CNTNAP5: variants seen among roughly 807,000 people sequenced by gnomAD.
The protein encoded by CNTNAP5 is contactin associated protein family member 5.
Under a neutral mutation model 150.2 loss-of-function variants are expected in CNTNAP5, and 72 were observed. The ratio of observed to expected loss-of-function variants is 0.48; its 90% CI spans 0.40 to 0.58. The LOEUF (loss-of-function observed/expected upper bound fraction) is 0.58. Ranked by LOEUF, CNTNAP5 falls within the 20% of genes least tolerant of loss-of-function variation. The probability of loss-of-function intolerance (pLI) is 0.00; values close to 1 mark genes in which losing one functional copy is unlikely to be tolerated. For missense variants in CNTNAP5, 1,636 were observed against 1,626.2 expected, an observed-to-expected ratio of 1.01 and a Z score of -0.10; for synonymous variants, 672 against 619.8, an observed-to-expected ratio of 1.08 and a Z score of -1.25.
At chr2:124,282,430 G>A (rs1030346071) in intron 3 of CNTNAP5, among the ~76,000 whole-genome samples, 2 of 152,134 alleles carry the variant, frequency 1.3e-5, no homozygotes, top group Non-Finnish European at 2.9e-5. Context: ...GGTTGTAACA[G>A]ATAATTTATG....
At position 124,218,255 on chromosome 2, in the gene CNTNAP5, G is replaced by A. The variant is rs115839896; in HGVS notation, c.83-3450G>A. On this transcript the variant is annotated intron_variant, in intron 1 of 23. Transcript: ENST00000682447. ...TATAGATAACTCCCACATGCTTAGC[G>A]TTCCAATAATGGAACATTAGGCAAA... 3.9e-3 allele frequency among the ~76,000 whole-genome samples: 587 copies of A among 152,168 alleles called. 5 individuals are homozygous for A. Among genetic ancestry groups the A allele is most frequent in the African/African-American group, 0.014 (561 of 41,524 alleles).
intron 12 of CNTNAP5, among the ~76,000 whole-genome samples, chr2:124,617,201 A>G (rs1677510996): frequency 6.6e-6 from 1 of 152,120 alleles, no homozygotes; most frequent in African/African-American, 2.4e-5. Context: ...GGTTGCCACA[A>G]ATCTTCACTT....
chr2:124,353,122 T>C (rs1040540969), intron 3 of CNTNAP5, among the ~76,000 whole-genome samples: 1 of 152,060 alleles, frequency 6.6e-6, no homozygotes, highest in African/African-American at 2.4e-5. Context: ...GACACAAAGA[T>C]CACAGTAGAC....
intron 21 of CNTNAP5, among the ~76,000 whole-genome samples, chr2:124,899,504 T>C (rs770721713): frequency 8.6e-5 from 13 of 151,686 alleles, no homozygotes; most frequent in Admixed American, 3.3e-4. Flanking sequence ...CAATTTCAAA[T>C]AAGACATTTG....
At chr2:124,549,810 A>T (rs1468184857) in intron 10 of CNTNAP5, among the ~76,000 whole-genome samples, 1 of 152,244 alleles carries the variant, frequency 6.6e-6, no homozygotes, top group Non-Finnish European at 1.5e-5. Context: ...ACTTGCTATG[A>T]TACGTTATTA....
chr2:124,781,675 C>T (rs1681455925), intron 17 of CNTNAP5, among the ~76,000 whole-genome samples: 1 of 152,140 alleles, frequency 6.6e-6, no homozygotes, highest in South Asian at 2.1e-4. Context: ...GCATTCCCCG[C>T]CGCCATCTAC....
At chr2:124,804,916 G>A (rs1682049378) in intron 19 of CNTNAP5, among the ~76,000 whole-genome samples, 1 of 152,178 alleles carries the variant, frequency 6.6e-6, no homozygotes, top group African/African-American at 2.4e-5. Context: ...GTAATAATAT[G>A]AATGATCTGC....
chr2:124,172,479 C>G (rs974107510), intron 1 of CNTNAP5, among the ~76,000 whole-genome samples: 1 of 152,164 alleles, frequency 6.6e-6, no homozygotes, highest in Non-Finnish European at 1.5e-5. Flanking sequence ...TTGGCCGAGT[C>G]TGGGCTCACT....
At chr2:124,074,662 T>A (rs1288071644) in intron 1 of CNTNAP5, among the ~76,000 whole-genome samples, 1 of 152,068 alleles carries the variant, frequency 6.6e-6, no homozygotes, top group African/African-American at 2.4e-5. Context: ...TAGACAGCAC[T>A]TACCAGCCTG....
intron 22 of CNTNAP5, among the ~76,000 whole-genome samples, chr2:124,904,331 C>G (rs1406978851): frequency 1.3e-5 from 2 of 151,826 alleles, no homozygotes; most frequent in African/African-American, 4.8e-5. Context: ...TGAAAATTTC[C>G]AATTGTTTGT....
In CNTNAP5 at chr2:124,920,562, A is replaced by G. The variant is rs1208316746; in HGVS notation, c.*6274A>G. On this transcript the variant is annotated 3_prime_UTR_variant, in exon 24 of 24. Transcript: ENST00000682447. ...AAAGAGACTGCCTTTAGTGAGGACA[A>G]AGACCAAGAATTTTCTCTTTCTGAA... Among the ~76,000 whole-genome samples, 1 of 152,152 alleles carries G rather than the reference A, an allele frequency of 6.6e-6. No individual in the cohort carries two copies. The highest frequency in any genetic ancestry group is 2.4e-5 in the African/African-American group (1 of 41,468).
chr2:124,380,929 T>C (rs1259301561), intron 3 of CNTNAP5, among the ~76,000 whole-genome samples: 1 of 152,124 alleles, frequency 6.6e-6, no homozygotes, highest in Non-Finnish European at 1.5e-5. Flanking sequence ...CTAGTTAATA[T>C]AATAGAGAAT....
chr2:124,661,155 AT>A lies in CNTNAP5; in HGVS notation c.2077+13203del, dbSNP rs1185001734. ...TAGGCTACACTACATTTAAAAAAAT[AT>A]TTTTTCTTCAATAACAAATTAACAT... On this transcript the variant is annotated intron_variant, in intron 13 of 23. Coordinates refer to ENST00000682447, the MANE Select transcript of CNTNAP5 (RefSeq NM_001367498.1). Among the ~76,000 whole-genome samples the A allele has an allele frequency of 3.9e-5, 6 of 152,060 alleles. No individual in the cohort carries two copies. The East Asian group carries it at 9.7e-4, about 24-fold the overall frequency.
intron 13 of CNTNAP5, among the ~76,000 whole-genome samples, chr2:124,659,252 G>A (rs1482787319): frequency 6.6e-6 from 1 of 152,128 alleles, no homozygotes; most frequent in South Asian, 2.1e-4. Flanking sequence ...TATTTGCTGA[G>A]AAGAGGGAGT....
intron 12 of CNTNAP5, among the ~76,000 whole-genome samples, chr2:124,630,089 CA>C (rs1016031372): frequency 4.1e-4 from 59 of 145,270 alleles, no homozygotes; most frequent in Admixed American, 8.9e-4. Flanking sequence ...GCCTACCAAC[CA>C]AAAAAAAAAG....
At chr2:124,446,633 T>C (rs1345159938) in intron 5 of CNTNAP5, 120 bp from the exon 6 acceptor site, 5 of 934,888 alleles carry the variant, frequency 5.3e-6, no homozygotes, top group Non-Finnish European at 8.0e-6. Flanking sequence ...TCCAGGCCTG[T>C]AGGGAGACAT....
chr2:124,244,895 T>C (rs991478194), intron 3 of CNTNAP5, among the ~76,000 whole-genome samples: 2 of 152,136 alleles, frequency 1.3e-5, no homozygotes, highest in African/African-American at 2.4e-5. Flanking sequence ...ACAAGAGGCT[T>C]GAGGCTCACA....
intron 3 of CNTNAP5, among the ~76,000 whole-genome samples, chr2:124,290,963 A>T (rs1688274559): frequency 6.6e-6 from 1 of 152,048 alleles, no homozygotes; most frequent in Non-Finnish European, 1.5e-5. Flanking sequence ...TGTTGTGAAT[A>T]GGAAATGAAA....
intron 11 of CNTNAP5, among the ~76,000 whole-genome samples, chr2:124,574,729 A>T (rs1054083606): frequency 6.6e-6 from 1 of 152,256 alleles, no homozygotes; most frequent in Non-Finnish European, 1.5e-5. Context: ...AGTATTTTTT[A>T]AAACTATGAC....
Sources: gnomAD v4.1 joint callset for allele counts (sites outside exome capture counted in the v4.1 genomes callset) on GRCh38, gnomAD v4.1.1 for gene constraint, MANE v1.5 for transcripts, NCBI Gene and HGNC (gene_info 2026-07-23, HGNC 2026-07-21) for gene names.